Variants in PDXDC1 observed in about 807,000 individuals in gnomAD.
The protein encoded by PDXDC1 is pyridoxal dependent decarboxylase domain containing 1.
PDXDC1 carries 42 observed loss-of-function variants against 100.1 expected under a neutral mutation model. The ratio of observed to expected loss-of-function variants is 0.42; its 90% CI spans 0.33 to 0.54. The LOEUF is 0.54. Among genes scored for constraint, PDXDC1 ranks in the 20% least tolerant of loss-of-function variants. The pLI, the probability that PDXDC1 is intolerant of heterozygous loss-of-function variation, is 0.10. For missense variants in PDXDC1, 636 were observed against 979.2 expected (o/e 0.65, Z 4.68); for synonymous variants, 260 against 371.7 (o/e 0.70, Z 3.46).
At chr16:15,109,649 T>A (rs889207345) in intron 16 of PDXDC1, among the ~76,000 whole-genome samples, 1 of 71,354 alleles carries the variant, frequency 1.4e-5, no homozygotes, top group Admixed American at 2.5e-4. Context: ...AGAGTGAGAC[T>A]CTGTCTCAAA....
intron 16 of PDXDC1, chr16:15,130,250 G>C: frequency 6.5e-7 from 1 of 1,548,182 alleles, no homozygotes; most frequent in Admixed American, 2.0e-5. Context: ...GGCTGGCGCC[G>C]AAGGCGGTGA....
intron 16 of PDXDC1, 58 bp from the exon 17 acceptor site, chr16:15,031,677 T>A: frequency 3.5e-6 from 5 of 1,447,610 alleles, no homozygotes; most frequent in Non-Finnish European, 4.8e-6. Flanking sequence ...GAGGGAGCCC[T>A]GCCCTCTTGT....
intron 1 of PDXDC1, among the ~76,000 whole-genome samples, chr16:14,984,315 CTT>C (rs1167894912): frequency 0.18 from 18,457 of 104,180 alleles, 326 homozygotes; most frequent in African/African-American, 0.29. Flanking sequence ...GCACCCCCGC[CTT>C]TTTTTTTTTT....
rs1286877007 is a variant in PDXDC1 at position 15,069,910 on chromosome 16, G to A, written c.1399+39854G>A. ...TCAAATCTATCTTAAGGGGTTTGTA[G>A]GGGCCTATGAGCTGCTTGAAATTAT... On this transcript the variant is annotated intron_variant, in intron 16 of 16. Transcript: ENST00000535621. Among the ~76,000 whole-genome samples the A allele has an allele frequency of 3.9e-5, 6 of 152,166 alleles. No homozygotes were observed. In the East Asian group the frequency reaches 1.2e-3, roughly 29 times the overall value.
intron 16 of PDXDC1, among the ~76,000 whole-genome samples, chr16:15,085,414 T>C (rs1163994394): frequency 6.6e-6 from 1 of 152,118 alleles, no homozygotes; most frequent in African/African-American, 2.4e-5. Context: ...GCCTCCCAGG[T>C]AGCTGTGACT....
chr16:14,991,265 ATATGTGTG>A (rs1172466169), intron 1 of PDXDC1, among the ~76,000 whole-genome samples: 7 of 137,922 alleles, frequency 5.1e-5, no homozygotes, highest in South Asian at 4.9e-4. Flanking sequence ...ATGTATATAG[ATATGTGTG>A]TGTGTGTGTG....
chr16:15,040,129 C>T (rs938948607), downstream of PDXDC1: 62 of 871,608 alleles, frequency 7.1e-5, no homozygotes, highest in African/African-American at 9.5e-4. Context: ...TCTGCACAGT[C>T]TTACATTTCT....
At chr16:15,128,345 G>C (rs1465707672) in intron 16 of PDXDC1, 2 of 1,608,046 alleles carry the variant, frequency 1.2e-6, no homozygotes, top group Admixed American at 1.7e-5. Context: ...TGGCCGCTCC[G>C]GCTGTCCACC....
chr16:15,087,479 C>G (rs1300017882), intron 16 of PDXDC1, among the ~76,000 whole-genome samples: 1 of 152,208 alleles, frequency 6.6e-6, no homozygotes, highest in African/African-American at 2.4e-5. Flanking sequence ...ACACGCCTCC[C>G]TATATGCGGA....
intron 16 of PDXDC1, among the ~76,000 whole-genome samples, chr16:15,070,799 T>A (rs1008674444): frequency 9.2e-5 from 14 of 151,842 alleles, no homozygotes; most frequent in Non-Finnish European, 1.8e-4. Context: ...ACAATAGATT[T>A]GGAATGCAAA....
At chr16:15,103,766 A>G (rs961863240) in intron 16 of PDXDC1, among the ~76,000 whole-genome samples, 2 of 116,718 alleles carry the variant, frequency 1.7e-5, no homozygotes, top group Non-Finnish European at 3.6e-5. Context: ...TCGGCCTCCC[A>G]AAGTGCTGGG....
In PDXDC1 at chr16:15,038,282, T is replaced by C; in HGVS notation, c.*2007T>C. The C allele has an allele frequency of 9.2e-7, 1 of 1,082,914 alleles. No homozygotes were observed. Among genetic ancestry groups the C allele is most frequent in the Non-Finnish European group, 1.4e-6 (1 of 734,708 alleles). The allele number at this position is 1,082,914 out of a possible 1,614,324, so 67.1% of individuals were successfully genotyped here. ...CCCTGCTGTGATAAAGATGTCAAAG[T>C]ATCTTTGTTCTTGGACACAAATATA... On this transcript the variant is annotated 3_prime_UTR_variant, in exon 23 of 23. Coordinates refer to ENST00000396410, the MANE Select transcript of PDXDC1 (RefSeq NM_015027.4).
intron 18 of PDXDC1, 110 bp from the exon 19 acceptor site, chr16:15,033,168 A>C (rs1322910580): frequency 4.0e-5 from 50 of 1,260,282 alleles, no homozygotes; most frequent in Non-Finnish European, 5.4e-5. Flanking sequence ...TAGAATCTCC[A>C]TGGAGGAGAC....
At chr16:15,094,913 C>G (rs1320548241) in intron 16 of PDXDC1, 1 of 152,286 alleles carries the variant, frequency 6.6e-6, no homozygotes, top group Non-Finnish European at 1.5e-5. Flanking sequence ...TCTCAGCTCA[C>G]TGCAACCTCC....
At chr16:15,009,139 A>C (rs1180145167) in intron 7 of PDXDC1, among the ~76,000 whole-genome samples, 1 of 152,290 alleles carries the variant, frequency 6.6e-6, no homozygotes, top group Non-Finnish European at 1.5e-5. Flanking sequence ...TGAAGCTCCT[A>C]CTTTTAATGA....
chr16:15,141,346 C>T (rs2048472248), downstream of PDXDC1, among the ~76,000 whole-genome samples: 1 of 152,372 alleles, frequency 6.6e-6, no homozygotes, highest in African/African-American at 2.4e-5. Flanking sequence ...CAGCCGAGGC[C>T]TTCTCCGTGC....
chr16:15,056,593 T>A (rs1003642458), intron 16 of PDXDC1, among the ~76,000 whole-genome samples: 1 of 151,854 alleles, frequency 6.6e-6, no homozygotes, highest in Non-Finnish European at 1.5e-5. Flanking sequence ...CTGGGCAACA[T>A]AGTGAGACCC....
intron 16 of PDXDC1, among the ~76,000 whole-genome samples, chr16:15,064,941 C>A (rs1240047555): frequency 6.6e-6 from 1 of 152,128 alleles, no homozygotes; most frequent in East Asian, 1.9e-4. Flanking sequence ...CCGAGGCGGG[C>A]GGATCACGAG....
the PDXDC1 span, among the ~76,000 whole-genome samples, chr16:15,150,030 G>A: frequency 2.0e-5 from 3 of 152,068 alleles, no homozygotes; most frequent in South Asian, 2.1e-4. Flanking sequence ...AAAAAGAGAG[G>A]AAGGGAAGCT....
Sources: allele counts gnomAD v4.1 joint callset (sites outside exome capture counted in the v4.1 genomes callset), GRCh38; gene constraint gnomAD v4.1.1; transcripts MANE v1.5; gene names NCBI Gene and HGNC (gene_info 2026-07-23, HGNC 2026-07-21).